GALNT17: variants seen among roughly 807,000 people sequenced by gnomAD.
GALNT17 encodes UDP-GalNAc:polypeptide N-acetylgalactosaminyltransferase-like 3.
Under a neutral mutation model 63.7 loss-of-function variants are expected in GALNT17, and 29 were observed. The observed-to-expected ratio is 0.46, with a 90% confidence interval of 0.34 to 0.62. The LOEUF (loss-of-function observed/expected upper bound fraction) is 0.62, where lower values mean the gene tolerates loss of function less well. Ranked by LOEUF, GALNT17 falls within the 20% of genes least tolerant of loss-of-function variation. GALNT17 has a pLI of 0.01. For synonymous variants in GALNT17, 305 were observed against 318.3 expected, an observed-to-expected ratio of 0.96 and a Z score of 0.45; for missense variants, 603 against 799.6, an observed-to-expected ratio of 0.75 and a Z score of 2.97.
chr7:71,275,380 A>G (rs768302743), intron 1 of GALNT17, among the ~76,000 whole-genome samples: 2 of 152,166 alleles, frequency 1.3e-5, no homozygotes, highest in Non-Finnish European at 2.9e-5. Flanking sequence ...AGCCTGGGAA[A>G]CATAGTGAAA....
At chr7:71,348,152 T>C (rs1247870997) in intron 2 of GALNT17, among the ~76,000 whole-genome samples, 2 of 151,854 alleles carry the variant, frequency 1.3e-5, no homozygotes, top group African/African-American at 2.4e-5. Context: ...TCTCAGATAC[T>C]CAGGGGGCTG....
At chr7:71,448,552 T>C (rs1373896748) in intron 5 of GALNT17, among the ~76,000 whole-genome samples, 4 of 152,168 alleles carry the variant, frequency 2.6e-5, no homozygotes, top group African/African-American at 9.6e-5. Context: ...TTTTACATTT[T>C]TAATTTTCAA....
At chr7:71,606,634 C>T (rs1004055477) in intron 6 of GALNT17, among the ~76,000 whole-genome samples, 1 of 152,198 alleles carries the variant, frequency 6.6e-6, no homozygotes, top group Non-Finnish European at 1.5e-5. Context: ...TCATCATCCT[C>T]TGTTCTCCTA....
At chr7:71,450,534 T>C (rs1004521090) in intron 5 of GALNT17, among the ~76,000 whole-genome samples, 8 of 152,228 alleles carry the variant, frequency 5.3e-5, no homozygotes, top group African/African-American at 1.4e-4. Context: ...TGGTGAGATA[T>C]AATTCACGTC....
intron 1 of GALNT17, among the ~76,000 whole-genome samples, chr7:71,248,654 T>C (rs1432859461): frequency 6.6e-6 from 1 of 152,176 alleles, no homozygotes; most frequent in Non-Finnish European, 1.5e-5. Context: ...GCTTTGTCAA[T>C]GAATGGCTTC....
chr7:71,703,584 C>G (rs1446589445), intron 9 of GALNT17, among the ~76,000 whole-genome samples: 2 of 152,168 alleles, frequency 1.3e-5, no homozygotes, highest in Non-Finnish European at 2.9e-5. Context: ...TTGGAGGAGA[C>G]AAACACTCAA....
At chr7:71,615,634 G>A (rs767990248) in intron 6 of GALNT17, among the ~76,000 whole-genome samples, 3 of 151,832 alleles carry the variant, frequency 2.0e-5, no homozygotes, top group East Asian at 1.9e-4. Flanking sequence ...ATGCCAACAC[G>A]CCCTGCTAAT....
chr7:71,662,197 A>T (rs1345545780), intron 6 of GALNT17, among the ~76,000 whole-genome samples: 2 of 151,984 alleles, frequency 1.3e-5, no homozygotes, highest in Non-Finnish European at 2.9e-5. Flanking sequence ...AAGGTCTCTT[A>T]TGCGCCTGTG....
intron 5 of GALNT17, among the ~76,000 whole-genome samples, chr7:71,501,231 A>G (rs1246169544): frequency 6.6e-6 from 1 of 151,608 alleles, no homozygotes; most frequent in Non-Finnish European, 1.5e-5. Flanking sequence ...AGCCTCCCAA[A>G]GTACTGGGAT....
chr7:71,422,933 C>T (rs1038417448), intron 5 of GALNT17, among the ~76,000 whole-genome samples: 1 of 152,084 alleles, frequency 6.6e-6, no homozygotes, highest in Non-Finnish European at 1.5e-5. Context: ...GGTGGTCTTC[C>T]CCTGGAGTTG....
chr7:71,711,872 TTCTC>T lies in GALNT17; in HGVS notation c.1669-144_1669-141del, dbSNP rs1211163188. The stretch of plus-strand genomic sequence containing the variant: ...CTCTTTCTGTCTTCTCTTTGCCTCT[TTCTC>T]TGTCTCTCTCTTTCTCTTCTCTTTT... On this transcript the variant is annotated intron_variant, in intron 10 of 10. Transcript: ENST00000333538. 35 of 858,106 alleles carry T rather than the reference TTCTC, an allele frequency of 4.1e-5. No individual in the cohort carries two copies. The Admixed American group carries it at 8.3e-4, about 20-fold the overall frequency. The allele number at this position is 858,106 out of a possible 1,614,324, so 53.2% of individuals were successfully genotyped here.
intron 4 of GALNT17, among the ~76,000 whole-genome samples, chr7:71,418,063 C>T (rs774149756): frequency 1.9e-4 from 29 of 152,296 alleles, no homozygotes; most frequent in Middle Eastern, 6.8e-3. Context: ...TGGAGTTTGG[C>T]ACTGAGTGAT....
At chr7:71,234,176 A>G (rs953378578) in intron 1 of GALNT17, among the ~76,000 whole-genome samples, 1 of 152,196 alleles carries the variant, frequency 6.6e-6, no homozygotes, top group African/African-American at 2.4e-5. Context: ...CAACCAGGCT[A>G]CAATCGGAGA....
intron 1 of GALNT17, among the ~76,000 whole-genome samples, chr7:71,144,949 T>G (rs59650615): frequency 5.9e-5 from 9 of 152,082 alleles, no homozygotes; most frequent in African/African-American, 1.7e-4. Context: ...AGGATGGTCT[T>G]GATCTCCTGA....
At chr7:71,151,068 C>G (rs934342635) in intron 1 of GALNT17, among the ~76,000 whole-genome samples, 1 of 151,908 alleles carries the variant, frequency 6.6e-6, no homozygotes, top group Non-Finnish European at 1.5e-5. Flanking sequence ...CTGCTATCTC[C>G]TGTGTGGGAC....
In GALNT17 at chr7:71,617,334, T is replaced by G. The variant is rs1355211717; in HGVS notation, c.1080+45932T>G. 6.0e-5 allele frequency among the ~76,000 whole-genome samples: 9 copies of G among 150,566 alleles called. No individual in the cohort carries two copies. The East Asian group carries it at 1.2e-3, about 19-fold the overall frequency. On this transcript the variant is annotated intron_variant, in intron 6 of 10. Transcript: ENST00000333538. ...GCGGGGGGGGTTGGTTTTTTTGTTTTTTTTTTTTTTGAGACGGAGTCTCTG... is the reference window on the plus strand; with the variant it reads ...GCGGGGGGGGTTGGTTTTTTTGTTTGTTTTTTTTTTGAGACGGAGTCTCTG...
intron 1 of GALNT17, among the ~76,000 whole-genome samples, chr7:71,159,151 G>A (rs1562873197): frequency 6.6e-6 from 1 of 151,628 alleles, no homozygotes; most frequent in Non-Finnish European, 1.5e-5. Flanking sequence ...TCCCTTCTAA[G>A]CATAGCCCCT....
chr7:71,539,707 CTT>C (rs71089953), intron 5 of GALNT17, among the ~76,000 whole-genome samples: 79 of 71,426 alleles, frequency 1.1e-3, no homozygotes, highest in East Asian at 7.9e-3. Flanking sequence ...TTAGTCCCAC[CTT>C]TTTTTTTTTT....
At chr7:71,389,323 A>G (rs543442414) in intron 3 of GALNT17, among the ~76,000 whole-genome samples, 13 of 151,982 alleles carry the variant, frequency 8.6e-5, no homozygotes, top group Non-Finnish European at 1.8e-4. Flanking sequence ...TAGTAGAGAC[A>G]GGGTTTTGCT....
Sources: allele counts gnomAD v4.1 joint callset (sites outside exome capture counted in the v4.1 genomes callset), GRCh38; gene constraint gnomAD v4.1.1; transcripts MANE v1.5; gene names NCBI Gene and HGNC (gene_info 2026-07-23, HGNC 2026-07-21).